KCNC2: variants seen among roughly 807,000 people sequenced by gnomAD.
The protein encoded by KCNC2 is voltage-gated potassium channel KCNC2.
In KCNC2, 21 loss-of-function variants were observed where a neutral mutation model predicts 44.5. That is an observed-to-expected ratio of 0.47 (90% CI 0.33 to 0.68). The LOEUF is 0.68. Among genes scored for constraint, KCNC2 ranks in the 30% least tolerant of loss-of-function variants. KCNC2 has a pLI of 0.01. For missense variants in KCNC2, 589 were observed against 826.2 expected, an observed-to-expected ratio of 0.71 and a Z score of 3.52; for synonymous variants, 391 against 339.1, an observed-to-expected ratio of 1.15 and a Z score of -1.68.
chr12:75,137,908 C>T (rs956056315), intron 2 of KCNC2, among the ~76,000 whole-genome samples: 1 of 152,004 alleles, frequency 6.6e-6, no homozygotes, highest in Admixed American at 6.6e-5. Context: ...TAATAGCTAC[C>T]AAAATGAACA....
intron 2 of KCNC2, among the ~76,000 whole-genome samples, chr12:75,197,712 G>A (rs1316378014): frequency 6.6e-6 from 1 of 151,816 alleles, no homozygotes; most frequent in Non-Finnish European, 1.5e-5. Flanking sequence ...TTCCCAGTTT[G>A]TTTAGTTAAA....
At chr12:75,057,546 A>T (rs1228379497) in intron 2 of KCNC2, among the ~76,000 whole-genome samples, 6 of 152,032 alleles carry the variant, frequency 3.9e-5, no homozygotes, top group Non-Finnish European at 5.9e-5. Flanking sequence ...TAGATTGAAG[A>T]AAGCTGGCAT....
chr12:75,084,219 T>C (rs1191410577), intron 2 of KCNC2, among the ~76,000 whole-genome samples: 1 of 60,660 alleles, frequency 1.6e-5, no homozygotes, highest in East Asian at 4.2e-4. Flanking sequence ...CATAATCTAG[T>C]TGATGATAGA....
chr12:75,155,004 T>C (rs1403604222), intron 2 of KCNC2, among the ~76,000 whole-genome samples: 5 of 151,924 alleles, frequency 3.3e-5, no homozygotes, highest in African/African-American at 9.7e-5. Context: ...TGATATACTG[T>C]GCTACCTGCT....
intron 2 of KCNC2, among the ~76,000 whole-genome samples, chr12:75,094,804 A>G (rs115700372): frequency 0.016 from 2,462 of 151,846 alleles, 68 homozygotes; most frequent in African/African-American, 0.056. Context: ...AGCTCTATCA[A>G]CAGAAATTGG....
At chr12:75,069,641 A>G (rs566234575) in intron 2 of KCNC2, among the ~76,000 whole-genome samples, 1 of 152,138 alleles carries the variant, frequency 6.6e-6, no homozygotes, top group African/African-American at 2.4e-5. Flanking sequence ...ACTATTTTGT[A>G]TTACCTTAAA....
At chr12:75,119,685 T>G (rs1887917851) in intron 2 of KCNC2, among the ~76,000 whole-genome samples, 1 of 152,196 alleles carries the variant, frequency 6.6e-6, no homozygotes, top group African/African-American at 2.4e-5. Flanking sequence ...GCTTTGAGGT[T>G]GTTCTGTGCA....
chr12:75,076,317 G>C (rs988016844), intron 2 of KCNC2, among the ~76,000 whole-genome samples: 3 of 148,506 alleles, frequency 2.0e-5, no homozygotes, highest in South Asian at 4.3e-4. Context: ...GTCTCGCTTT[G>C]TCGCCCATGC....
chr12:75,041,906 A>G lies in KCNC2; in HGVS notation c.*1199T>C, dbSNP rs1339673551. The G allele has an allele frequency of 1.0e-6, 1 of 993,840 alleles. No homozygotes were observed. The highest frequency in any genetic ancestry group is 1.2e-6 in the Non-Finnish European group (1 of 835,846). The allele number at this position is 993,840 out of a possible 1,614,324, so 61.6% of individuals were successfully genotyped here. A position where few individuals can be genotyped will look rare whatever the true frequency, so the allele number is the denominator to read the frequency against. ...TAAATATTAAAATCATAAACATCTT[A>G]CAGAGGCATTTCTGTGCTTCATGGA... On this transcript the variant is annotated 3_prime_UTR_variant, in exon 5 of 5. Transcript: ENST00000549446.
intron 4 of KCNC2, among the ~76,000 whole-genome samples, chr12:75,045,303 T>C (rs1245851571): frequency 6.6e-6 from 1 of 151,984 alleles, no homozygotes; most frequent in African/African-American, 2.4e-5. Flanking sequence ...CAGTAACATA[T>C]AAAACTTGGT....
At chr12:75,062,085 T>A (rs1438621646) in intron 2 of KCNC2, among the ~76,000 whole-genome samples, 1 of 152,120 alleles carries the variant, frequency 6.6e-6, no homozygotes, top group Non-Finnish European at 1.5e-5. Flanking sequence ...TCATCTGTCC[T>A]AAAAATTATT....
intron 2 of KCNC2, among the ~76,000 whole-genome samples, chr12:75,068,050 T>C (rs1285654336): frequency 6.6e-6 from 1 of 152,184 alleles, no homozygotes; most frequent in Non-Finnish European, 1.5e-5. Flanking sequence ...TTGTAAAAGG[T>C]ACAGTGTTGT....
At chr12:75,192,085 G>A (rs998490045) in intron 2 of KCNC2, among the ~76,000 whole-genome samples, 14 of 152,194 alleles carry the variant, frequency 9.2e-5, no homozygotes, top group Middle Eastern at 3.4e-3. Context: ...AGTCTTTACA[G>A]CATTTGTTTG....
intron 2 of KCNC2, among the ~76,000 whole-genome samples, chr12:75,105,402 T>C (rs1362523592): frequency 6.6e-6 from 1 of 152,158 alleles, no homozygotes; most frequent in Non-Finnish European, 1.5e-5. Flanking sequence ...GTAGGTTGTG[T>C]AGATCTGTGG....
chr12:75,070,480 T>C (rs1883292323), intron 2 of KCNC2, among the ~76,000 whole-genome samples: 1 of 149,142 alleles, frequency 6.7e-6, no homozygotes, highest in Admixed American at 6.6e-5. Context: ...CTTTTTATAC[T>C]CTAAGCATAA....
chr12:75,205,044 T>C (rs1306495946), intron 2 of KCNC2, among the ~76,000 whole-genome samples: 1 of 152,142 alleles, frequency 6.6e-6, no homozygotes, highest in Non-Finnish European at 1.5e-5. Context: ...TTAAAAGTCA[T>C]AGATGACCTT....
intron 2 of KCNC2, among the ~76,000 whole-genome samples, chr12:75,079,155 T>C (rs1884258397): frequency 6.6e-6 from 1 of 152,066 alleles, no homozygotes; most frequent in Admixed American, 6.6e-5. Context: ...AATTTTGTGG[T>C]GTTATTAGTA....
chr12:75,191,515 AT>A, intron 2 of KCNC2, among the ~76,000 whole-genome samples: 1 of 50,162 alleles, frequency 2.0e-5, no homozygotes, highest in South Asian at 9.8e-4. Flanking sequence ...TATTATTATT[AT>A]TATTATTATT....
At chr12:75,111,792 G>A (rs1050419010) in intron 2 of KCNC2, among the ~76,000 whole-genome samples, 1 of 151,972 alleles carries the variant, frequency 6.6e-6, no homozygotes, top group Non-Finnish European at 1.5e-5. Flanking sequence ...TGCACACTAA[G>A]ATATTATCTT....
Sources: gnomAD v4.1 joint callset for allele counts (sites outside exome capture counted in the v4.1 genomes callset) on GRCh38, gnomAD v4.1.1 for gene constraint, MANE v1.5 for transcripts, NCBI Gene and HGNC (gene_info 2026-07-23, HGNC 2026-07-21) for gene names.